Variants in NKAIN2 observed in about 807,000 individuals in gnomAD.
The protein encoded by NKAIN2 is sodium/potassium transporting ATPase interacting 2.
A neutral mutation model predicts 32.6 loss-of-function variants in NKAIN2; 14 were observed. That is an observed-to-expected ratio of 0.43 (90% CI 0.28 to 0.67). NKAIN2 has a LOEUF of 0.67. Among genes scored for constraint, NKAIN2 ranks in the 30% least tolerant of loss-of-function variants. The probability of loss-of-function intolerance (pLI) is 0.17; values close to 1 mark genes in which losing one functional copy is unlikely to be tolerated. For missense variants in NKAIN2, 198 were observed against 258.3 expected (o/e 0.77, Z 1.60); for synonymous variants, 80 against 87.2 (o/e 0.92, Z 0.46).
chr6:123,965,705 A>G (rs967522302), intron 1 of NKAIN2, among the ~76,000 whole-genome samples: 2 of 152,130 alleles, frequency 1.3e-5, no homozygotes, highest in African/African-American at 2.4e-5. Context: ...TCAGAATACT[A>G]TCTAGCTTTC....
chr6:124,421,381 A>G (rs939857905), intron 3 of NKAIN2, among the ~76,000 whole-genome samples: 5 of 152,164 alleles, frequency 3.3e-5, no homozygotes, highest in African/African-American at 7.2e-5. Flanking sequence ...ACACGTGGAG[A>G]TGACGTCTCA....
chr6:124,166,212 A>C (rs1788532894), intron 1 of NKAIN2, among the ~76,000 whole-genome samples: 1 of 144,164 alleles, frequency 6.9e-6, no homozygotes, highest in Non-Finnish European at 1.5e-5. Flanking sequence ...CGCCATTCTA[A>C]CTGGTGTGAG....
intron 1 of NKAIN2, among the ~76,000 whole-genome samples, chr6:123,878,614 C>A (rs1278348843): frequency 1.3e-5 from 2 of 152,086 alleles, no homozygotes; most frequent in Non-Finnish European, 2.9e-5. Context: ...TTTTCAAACT[C>A]CAAATATGAT....
At chr6:124,142,906 A>G (rs1279699154) in intron 1 of NKAIN2, among the ~76,000 whole-genome samples, 1 of 152,220 alleles carries the variant, frequency 6.6e-6, no homozygotes, top group Non-Finnish European at 1.5e-5. Context: ...GCAGTTGGCT[A>G]AGATGCAGCA....
At chr6:124,394,974 TG>T (rs1773314387) in intron 3 of NKAIN2, among the ~76,000 whole-genome samples, 1 of 148,752 alleles carries the variant, frequency 6.7e-6, no homozygotes, top group Non-Finnish European at 1.5e-5. Context: ...AGTGATAATA[TG>T]GGCTTGGACT....
chr6:124,807,180 A>T (rs1483487590), intron 5 of NKAIN2, among the ~76,000 whole-genome samples: 1 of 152,280 alleles, frequency 6.6e-6, no homozygotes, highest in African/African-American at 2.4e-5. Flanking sequence ...AATCAACAGA[A>T]TATACATTTT....
At chr6:123,944,987 T>G (rs1582821471) in intron 1 of NKAIN2, among the ~76,000 whole-genome samples, 1 of 152,198 alleles carries the variant, frequency 6.6e-6, no homozygotes, top group African/African-American at 2.4e-5. Context: ...ATGTAGATTT[T>G]ATGTATGGAA....
At chr6:124,651,842 G>C (rs1378706767) in intron 3 of NKAIN2, among the ~76,000 whole-genome samples, 1 of 152,112 alleles carries the variant, frequency 6.6e-6, no homozygotes, top group Non-Finnish European at 1.5e-5. Flanking sequence ...TTATCTTGAT[G>C]AATAACACCT....
At chr6:124,760,891 G>A (rs562058247) in intron 4 of NKAIN2, among the ~76,000 whole-genome samples, 82 of 152,172 alleles carry the variant, frequency 5.4e-4, no homozygotes, top group African/African-American at 1.9e-3. Context: ...AATGAGCCAC[G>A]GATTTTTGTC....
At chr6:124,657,788 G>A (rs1330976944) in intron 3 of NKAIN2, among the ~76,000 whole-genome samples, 1 of 151,768 alleles carries the variant, frequency 6.6e-6, no homozygotes, top group Non-Finnish European at 1.5e-5. Context: ...TAAACATTTT[G>A]AGAGAAAAAA....
At chr6:124,186,358 A>T (rs1441159008) in intron 1 of NKAIN2, among the ~76,000 whole-genome samples, 1 of 152,082 alleles carries the variant, frequency 6.6e-6, no homozygotes, top group African/African-American at 2.4e-5. Context: ...TGGGAGGACC[A>T]CTTGAGCACA....
intron 4 of NKAIN2, among the ~76,000 whole-genome samples, chr6:124,714,818 G>A (rs1445499897): frequency 6.6e-6 from 1 of 152,164 alleles, no homozygotes; most frequent in African/African-American, 2.4e-5. Context: ...CCTCTCAGGG[G>A]AACTGACAGG....
At chr6:124,751,035 G>A (rs569593101) in intron 4 of NKAIN2, among the ~76,000 whole-genome samples, 1 of 152,026 alleles carries the variant, frequency 6.6e-6, no homozygotes, top group East Asian at 1.9e-4. Context: ...CCTAAATACA[G>A]TAAGAAATAC....
intron 1 of NKAIN2, among the ~76,000 whole-genome samples, chr6:124,210,940 CT>C (rs1452699927): frequency 6.7e-6 from 1 of 150,224 alleles, no homozygotes; most frequent in Non-Finnish European, 1.5e-5. Context: ...ATTTACTTAT[CT>C]TCTCTAATTG....
intron 3 of NKAIN2, among the ~76,000 whole-genome samples, chr6:124,404,237 G>A (rs1773749344): frequency 6.6e-6 from 1 of 152,076 alleles, no homozygotes; most frequent in Admixed American, 6.6e-5. Context: ...TGGAAGATAG[G>A]AGGATTTCTC....
At chr6:124,516,198 T>C (rs1479535911) in intron 3 of NKAIN2, among the ~76,000 whole-genome samples, 1 of 152,060 alleles carries the variant, frequency 6.6e-6, no homozygotes, top group Non-Finnish European at 1.5e-5. Flanking sequence ...TGATAAGTGC[T>C]ATAAAAAGAG....
At chr6:124,254,071 TC>T (rs1486506604) in intron 1 of NKAIN2, among the ~76,000 whole-genome samples, 5 of 152,058 alleles carry the variant, frequency 3.3e-5, no homozygotes, top group African/African-American at 1.2e-4. Context: ...CGCCTCGGCC[TC>T]CCAAAGTACT....
At chr6:123,865,029 A>G (rs1175277780) in intron 1 of NKAIN2, among the ~76,000 whole-genome samples, 1 of 152,124 alleles carries the variant, frequency 6.6e-6, no homozygotes, top group African/African-American at 2.4e-5. Flanking sequence ...TAATTAAGTT[A>G]AAACCACTGT....
At chr6:124,574,423 G>T (rs1781251946) in intron 3 of NKAIN2, among the ~76,000 whole-genome samples, 1 of 152,092 alleles carries the variant, frequency 6.6e-6, no homozygotes, top group South Asian at 2.1e-4. Context: ...TTTGAGACCA[G>T]CCTGGCCAAC....
Sources: gnomAD v4.1 joint callset for allele counts (sites outside exome capture counted in the v4.1 genomes callset) on GRCh38, gnomAD v4.1.1 for gene constraint, MANE v1.5 for transcripts, NCBI Gene and HGNC (gene_info 2026-07-23, HGNC 2026-07-21) for gene names.